CRPPA: variants seen among roughly 807,000 people sequenced by gnomAD.
The protein encoded by CRPPA is D-ribitol-5-phosphate cytidylyltransferase.
CRPPA carries 43 observed loss-of-function variants against 52.0 expected under a neutral mutation model. The ratio of observed to expected loss-of-function variants is 0.83; its 90% CI spans 0.65 to 1.07. The LOEUF (loss-of-function observed/expected upper bound fraction) is 1.07. Ranked by LOEUF, CRPPA falls within the 50% of genes least tolerant of loss-of-function variation. CRPPA has a pLI of 0.00. For missense variants in CRPPA, 629 were observed against 551.7 expected (o/e 1.14, Z -1.40); for synonymous variants, 250 against 203.5 (o/e 1.23, Z -1.94).
At chr7:16,229,448 T>A (rs969910515) in intron 8 of CRPPA, among the ~76,000 whole-genome samples, 1 of 152,036 alleles carries the variant, frequency 6.6e-6, no homozygotes, top group African/African-American at 2.4e-5. Context: ...CTAATATAAG[T>A]TTTTGCTTTG....
At chr7:16,338,787 A>G (rs1044563060) in intron 3 of CRPPA, among the ~76,000 whole-genome samples, 15 of 151,174 alleles carry the variant, frequency 9.9e-5, no homozygotes, top group African/African-American at 2.9e-4. Flanking sequence ...CCAGCCCCCA[A>G]TGGGTTCATC....
At chr7:16,157,495 C>A (rs1345703578) in intron 9 of CRPPA, among the ~76,000 whole-genome samples, 1 of 151,912 alleles carries the variant, frequency 6.6e-6, no homozygotes, top group Non-Finnish European at 1.5e-5. Context: ...ATTACAATTG[C>A]ATAAAAATTA....
At chr7:16,148,800 T>C (rs1225771230) in intron 9 of CRPPA, among the ~76,000 whole-genome samples, 2 of 152,108 alleles carry the variant, frequency 1.3e-5, no homozygotes, top group Admixed American at 6.5e-5. Flanking sequence ...CATATATTTA[T>C]AAAGTTAGGT....
chr7:16,116,267 C>G (rs1399883527), intron 9 of CRPPA, among the ~76,000 whole-genome samples: 1 of 152,014 alleles, frequency 6.6e-6, no homozygotes, highest in Non-Finnish European at 1.5e-5. Flanking sequence ...GGTATTCTTG[C>G]CTAAATGCAT....
intron 2 of CRPPA, among the ~76,000 whole-genome samples, chr7:16,398,197 C>A (rs958383140): frequency 6.6e-6 from 1 of 152,084 alleles, no homozygotes; most frequent in East Asian, 1.9e-4. Context: ...CAACATGACA[C>A]GTGATCAAGA....
At chr7:16,289,004 G>A (rs996424675) in intron 5 of CRPPA, among the ~76,000 whole-genome samples, 1 of 151,534 alleles carries the variant, frequency 6.6e-6, no homozygotes, top group African/African-American at 2.4e-5. Flanking sequence ...CAAATAAAGT[G>A]AGAAACAAAC....
intron 3 of CRPPA, among the ~76,000 whole-genome samples, chr7:16,358,969 T>C (rs1385546001): frequency 6.6e-6 from 1 of 152,248 alleles, no homozygotes; most frequent in African/African-American, 2.4e-5. Context: ...TTTTATTTGT[T>C]AAATCCATAA....
intron 2 of CRPPA, among the ~76,000 whole-genome samples, chr7:16,378,129 CTTTAAG>C (rs1786950633): frequency 6.6e-6 from 1 of 151,476 alleles, no homozygotes; most frequent in African/African-American, 2.4e-5. Context: ...TATTATTATA[CTTTAAG>C]TTTTAGAGTA....
intron 8 of CRPPA, among the ~76,000 whole-genome samples, chr7:16,250,681 G>C (rs1783423740): frequency 6.6e-6 from 1 of 152,164 alleles, no homozygotes; most frequent in African/African-American, 2.4e-5. Flanking sequence ...TGCTGAGAGA[G>C]TCTGTCACCA....
chr7:16,372,213 T>C lies in CRPPA; in HGVS notation c.684+3879A>G, dbSNP rs189704405. Among the ~76,000 whole-genome samples the C allele has an allele frequency of 2.5e-3, 378 of 152,242 alleles. 4 individuals carry two copies. The highest frequency in any genetic ancestry group is 8.5e-3 in the African/African-American group (355 of 41,538). On this transcript the variant is annotated intron_variant, in intron 3 of 9. Coordinates refer to ENST00000407010, the MANE Select transcript of CRPPA (RefSeq NM_001101426.4). ...GCTCAAAAAACTCCTGGGAAATTCA[T>C]TGCAAAAAGACCATCACCAAGGCAC...
intron 9 of CRPPA, among the ~76,000 whole-genome samples, chr7:16,149,610 G>A (rs150392483): frequency 1.9e-3 from 284 of 152,268 alleles, no homozygotes; most frequent in African/African-American, 6.4e-3. Flanking sequence ...TATGTAGCAT[G>A]CCTCTAAGCT....
intron 9 of CRPPA, among the ~76,000 whole-genome samples, chr7:16,183,481 G>A (rs1781449898): frequency 6.6e-6 from 1 of 152,156 alleles, no homozygotes; most frequent in Non-Finnish European, 1.5e-5. Context: ...AACAGTCTCA[G>A]GCTGTTACCA....
intron 4 of CRPPA, among the ~76,000 whole-genome samples, chr7:16,305,845 G>A (rs564157129): frequency 6.6e-6 from 1 of 152,222 alleles, no homozygotes; most frequent in Admixed American, 6.5e-5. Context: ...TTGTGCCACT[G>A]CACTCCAACC....
intron 9 of CRPPA, among the ~76,000 whole-genome samples, chr7:16,119,189 T>C (rs1782435157): frequency 6.6e-6 from 1 of 152,064 alleles, no homozygotes; most frequent in African/African-American, 2.4e-5. Context: ...AAACAATTTC[T>C]AATTACAGGG....
intron 3 of CRPPA, among the ~76,000 whole-genome samples, chr7:16,327,093 G>C (rs901842351): frequency 6.6e-6 from 1 of 152,110 alleles, no homozygotes; most frequent in East Asian, 1.9e-4. Context: ...TTCCCCAGGA[G>C]AGTAAAAATA....
chr7:16,325,782 C>T (rs928267408), intron 3 of CRPPA, among the ~76,000 whole-genome samples: 1 of 151,922 alleles, frequency 6.6e-6, no homozygotes, highest in Non-Finnish European at 1.5e-5. Flanking sequence ...TCTTAAGATA[C>T]CCTATGAAAC....
chr7:16,278,275 A>G (rs570041096), intron 5 of CRPPA, 49 bp from the exon 6 acceptor site: 1 of 897,026 alleles, frequency 1.1e-6, no homozygotes, highest in South Asian at 1.5e-5. Flanking sequence ...ACATGTAACA[A>G]GGCCCTAGGA....
At chr7:16,242,561 A>C (rs927109962) in intron 8 of CRPPA, among the ~76,000 whole-genome samples, 19 of 152,216 alleles carry the variant, frequency 1.2e-4, no homozygotes, top group African/African-American at 4.6e-4. Context: ...CAATAACTTC[A>C]GTCAAATCAG....
chr7:16,399,608 CCAA>C (rs1271158073), intron 2 of CRPPA, among the ~76,000 whole-genome samples: 14 of 151,868 alleles, frequency 9.2e-5, no homozygotes, highest in Non-Finnish European at 1.9e-4. Context: ...TGGCATGTGT[CCAA>C]CACGTGACTG....
Sources: gnomAD v4.1 joint callset for allele counts (sites outside exome capture counted in the v4.1 genomes callset) on GRCh38, gnomAD v4.1.1 for gene constraint, MANE v1.5 for transcripts, NCBI Gene and HGNC (gene_info 2026-07-23, HGNC 2026-07-21) for gene names.